PHKB: variants seen among roughly 807,000 people sequenced by gnomAD.
PHKB encodes the protein phosphorylase b kinase regulatory subunit beta.
A neutral mutation model predicts 152.1 loss-of-function variants in PHKB; 122 were observed. That is an observed-to-expected ratio of 0.80 (90% CI 0.69 to 0.93). The LOEUF is 0.93. Among genes scored for constraint, PHKB ranks in the 40% least tolerant of loss-of-function variants. PHKB has a pLI of 0.00. For synonymous variants in PHKB, 436 were observed against 464.9 expected (o/e 0.94, Z 0.80); for missense variants, 1,304 against 1,328.4 (o/e 0.98, Z 0.29).
rs758430528 is a variant in PHKB, at chr16:47,663,669, A to T, written c.2279-8A>T. ...TGTTCAACAAAGACTCTATTATCCA[A>T]TGTCTAGGTACCGTTTCTGATCACA... On this transcript the variant is annotated splice_region_variant and splice_polypyrimidine_tract_variant and intron_variant, in intron 23 of 30. Transcript: ENST00000323584. 6.2e-7 allele frequency: 1 copy of T among 1,610,962 alleles called. No individual in the cohort carries two copies. The highest frequency in any genetic ancestry group is 2.2e-5 in the East Asian group (1 of 44,822).
Position 47,650,641 on chromosome 16 carries a change from G to A in PHKB, c.1880+15G>A, listed in dbSNP as rs767521737. ...GACAATATAAGGTAGGTTGATAAAA[G>A]AAGTAAGGTACGTGTGTCTCACTGA... On this transcript the variant is annotated intron_variant, in intron 19 of 30. Transcript: ENST00000323584. 1 of 1,545,624 alleles carries A rather than the reference G, an allele frequency of 6.5e-7. No individual in the cohort carries two copies. The highest frequency in any genetic ancestry group is 1.1e-5 in the South Asian group (1 of 89,678).
intron 13 of PHKB, among the ~76,000 whole-genome samples, chr16:47,600,001 T>C (rs557733726): frequency 2.0e-5 from 3 of 152,342 alleles, no homozygotes; most frequent in African/African-American, 7.2e-5. Flanking sequence ...GATCTCTGCT[T>C]GACAACATTT....
chr16:47,469,996 C>T (rs1597008867), intron 1 of PHKB, among the ~76,000 whole-genome samples: 1 of 152,262 alleles, frequency 6.6e-6, no homozygotes, highest in East Asian at 1.9e-4. Context: ...ACTTTTTAAG[C>T]AGCTAATCTT....
At chr16:47,655,450 A>G (rs1973318969) in intron 20 of PHKB, among the ~76,000 whole-genome samples, 1 of 152,202 alleles carries the variant, frequency 6.6e-6, no homozygotes, top group South Asian at 2.1e-4. Context: ...AGTTGAAAAT[A>G]ATTTTACTTT....
intron 1 of PHKB, among the ~76,000 whole-genome samples, chr16:47,475,903 G>C (rs1440416974): frequency 6.6e-6 from 1 of 152,044 alleles, no homozygotes; most frequent in Admixed American, 6.5e-5. Context: ...GATCTTCCTT[G>C]ATCTCCCAGG....
intron 6 of PHKB, among the ~76,000 whole-genome samples, chr16:47,517,287 C>G (rs1427244273): frequency 6.7e-6 from 1 of 148,692 alleles, no homozygotes; most frequent in Non-Finnish European, 1.5e-5. Flanking sequence ...CAGTGTATCA[C>G]TCTGTCTGCC....
chr16:47,611,866 G>T (rs988195156), intron 14 of PHKB, among the ~76,000 whole-genome samples: 2 of 152,124 alleles, frequency 1.3e-5, no homozygotes, highest in Non-Finnish European at 2.9e-5. Context: ...GTTTTCTCAA[G>T]AACATAAAAT....
At chr16:47,616,770 T>C (rs1347147506) in intron 14 of PHKB, among the ~76,000 whole-genome samples, 2 of 151,300 alleles carry the variant, frequency 1.3e-5, no homozygotes, top group East Asian at 1.9e-4. Context: ...CACAGAAATA[T>C]AGAGTGTGGA....
chr16:47,601,085 TGC>T (rs1972216401), intron 13 of PHKB, among the ~76,000 whole-genome samples: 1 of 151,924 alleles, frequency 6.6e-6, no homozygotes, highest in Non-Finnish European at 1.5e-5. Flanking sequence ...GCCATGATGG[TGC>T]ATGGCTGTAG....
intron 14 of PHKB, among the ~76,000 whole-genome samples, chr16:47,615,122 T>C (rs1972492208): frequency 6.6e-6 from 1 of 152,212 alleles, no homozygotes. Context: ...CTACAGATAA[T>C]GCCCCATTTC....
At chr16:47,602,891 A>G (rs1972256644) in intron 13 of PHKB, among the ~76,000 whole-genome samples, 1 of 152,158 alleles carries the variant, frequency 6.6e-6, no homozygotes, top group Non-Finnish European at 1.5e-5. Context: ...ATGGATATCC[A>G]GTAGCTCACT....
chr16:47,500,353 A>G (rs919251998), intron 3 of PHKB, among the ~76,000 whole-genome samples: 1 of 152,104 alleles, frequency 6.6e-6, no homozygotes, highest in African/African-American at 2.4e-5. Flanking sequence ...TCATTTTTCT[A>G]AGAGCTTATA....
intron 26 of PHKB, 58 bp downstream of exon 26, chr16:47,669,475 A>T: frequency 6.8e-7 from 1 of 1,475,406 alleles, no homozygotes; most frequent in Non-Finnish European, 9.5e-7. Flanking sequence ...CCTCTAACAG[A>T]CCCGGCCTCT....
intron 10 of PHKB, among the ~76,000 whole-genome samples, chr16:47,593,119 G>A (rs1479046078): frequency 6.7e-6 from 1 of 149,344 alleles, no homozygotes; most frequent in Non-Finnish European, 1.5e-5. Context: ...AGAGGGGGGG[G>A]AGGGAGAGAG....
At chr16:47,621,297 T>C (rs1972613049) in intron 14 of PHKB, among the ~76,000 whole-genome samples, 1 of 152,220 alleles carries the variant, frequency 6.6e-6, no homozygotes. Flanking sequence ...GAAGACCATC[T>C]GCTCAGGAAG....
chr16:47,497,511 G>A (rs755486897), intron 2 of PHKB, 23 bp downstream of exon 2: 37 of 1,322,584 alleles, frequency 2.8e-5, no homozygotes, highest in South Asian at 1.6e-4. Context: ...TGAGGAAAAC[G>A]TGTCCTTAGG....
intron 8 of PHKB, 119 bp from the exon 9 acceptor site, chr16:47,587,549 C>A: frequency 1.5e-6 from 1 of 689,378 alleles, no homozygotes; most frequent in Non-Finnish European, 2.6e-6. Context: ...TCTTCTGGAA[C>A]TCCACACTCA....
chr16:47,534,743 G>A (rs560303578), intron 6 of PHKB, among the ~76,000 whole-genome samples: 5 of 152,320 alleles, frequency 3.3e-5, no homozygotes, highest in African/African-American at 1.2e-4. Flanking sequence ...GTTACCACCA[G>A]CAAGAAGATA....
At chr16:47,680,434 C>T (rs2075482077) in intron 26 of PHKB, among the ~76,000 whole-genome samples, 3 of 152,150 alleles carry the variant, frequency 2.0e-5, no homozygotes, top group Non-Finnish European at 4.4e-5. Context: ...TTAATTATTG[C>T]CACAATTTCA....
Sources: allele counts gnomAD v4.1 joint callset (sites outside exome capture counted in the v4.1 genomes callset), GRCh38; gene constraint gnomAD v4.1.1; transcripts MANE v1.5; gene names NCBI Gene and HGNC (gene_info 2026-07-23, HGNC 2026-07-21).